The following CDA variants were observed in gnomAD, a reference collection of about 807,000 sequenced individuals.
The protein encoded by CDA is cytidine deaminase, also known as cytidine aminohydrolase.
CDA carries 7 observed loss-of-function variants against 15.0 expected under a neutral mutation model. That is an observed-to-expected ratio of 0.47 (90% CI 0.26 to 0.87). The LOEUF (loss-of-function observed/expected upper bound fraction) is 0.87, where lower values mean the gene tolerates loss of function less well. Ranked by LOEUF, CDA falls within the 40% of genes least tolerant of loss-of-function variation. The pLI is 0.15. For synonymous variants in CDA, 58 were observed against 73.0 expected (o/e 0.79, Z 1.05); for missense variants, 159 against 182.7 (o/e 0.87, Z 0.75).
At chr1:20,594,788 CA>C (rs60698295) in intron 1 of CDA, among the ~76,000 whole-genome samples, 13,617 of 121,438 alleles carry the variant, frequency 0.11, 695 homozygotes, top group African/African-American at 0.16. Context: ...GACGCCATCT[CA>C]AAAAAAAAAA....
At chr1:20,606,517 C>T (rs1015815309) in intron 2 of CDA, among the ~76,000 whole-genome samples, 1 of 152,094 alleles carries the variant, frequency 6.6e-6, no homozygotes, top group Non-Finnish European at 1.5e-5. Context: ...TCCACTACAT[C>T]ATGCTGTGCC....
At chr1:20,612,396 A>G (rs61781966) in intron 2 of CDA, among the ~76,000 whole-genome samples, 1 of 150,490 alleles carries the variant, frequency 6.6e-6, no homozygotes, top group African/African-American at 2.4e-5. Context: ...ACATTCCACC[A>G]TTGTGATTTG....
chr1:20,590,847 G>A (rs2052541241), intron 1 of CDA, among the ~76,000 whole-genome samples: 1 of 152,204 alleles, frequency 6.6e-6, no homozygotes, highest in Non-Finnish European at 1.5e-5. Context: ...GGATGGTGGG[G>A]CAGGTGGTGG....
At chr1:20,597,951 C>T (rs762440489) in intron 1 of CDA, among the ~76,000 whole-genome samples, 28 of 148,790 alleles carry the variant, frequency 1.9e-4, no homozygotes, top group Non-Finnish European at 3.7e-4. Context: ...TTGTTACAGG[C>T]TCCAAATACA....
chr1:20,595,109 G>A (rs183449808), intron 1 of CDA, among the ~76,000 whole-genome samples: 37 of 152,326 alleles, frequency 2.4e-4, no homozygotes, highest in Admixed American at 2.4e-3. Context: ...CAAGGGATGG[G>A]AGGGTTTATC....
At chr1:20,611,015 AGATCT>A (rs1316744537) in intron 2 of CDA, among the ~76,000 whole-genome samples, 1 of 152,134 alleles carries the variant, frequency 6.6e-6, no homozygotes, top group Non-Finnish European at 1.5e-5. Flanking sequence ...TGAGGTGCAA[AGATCT>A]CTTGAGCCCA....
chr1:20,616,043 C>A (rs2052798284), intron 3 of CDA, among the ~76,000 whole-genome samples: 3 of 152,148 alleles, frequency 2.0e-5, no homozygotes, highest in African/African-American at 7.2e-5. Flanking sequence ...ATCCCCTCCC[C>A]AAGACTGAGT....
intron 3 of CDA, among the ~76,000 whole-genome samples, chr1:20,615,412 C>T (rs1209676427): frequency 7.6e-6 from 1 of 131,754 alleles, no homozygotes; most frequent in African/African-American, 2.9e-5. Context: ...GCAGGAGGAT[C>T]GCTTGGGTCC....
intron 2 of CDA, among the ~76,000 whole-genome samples, chr1:20,609,151 G>A (rs942348499): frequency 1.3e-5 from 2 of 152,160 alleles, no homozygotes; most frequent in Non-Finnish European, 2.9e-5. Flanking sequence ...ACCTTGTCCA[G>A]GGAGCTAGCC....
At chr1:20,608,591 G>A (rs1311838310) in intron 2 of CDA, among the ~76,000 whole-genome samples, 3 of 152,118 alleles carry the variant, frequency 2.0e-5, no homozygotes, top group African/African-American at 7.2e-5. Context: ...TGAATTTTTA[G>A]TAGAGACAGG....
intron 3 of CDA, 147 bp downstream of exon 3, chr1:20,614,046 C>T (rs1481970684): frequency 1.4e-6 from 1 of 694,842 alleles, no homozygotes; most frequent in African/African-American, 1.8e-5. Context: ...CTTCTAAGGC[C>T]TCCCTACGCT....
chr1:20,602,547 C>CT (rs2052654503), intron 1 of CDA, among the ~76,000 whole-genome samples: 1 of 152,190 alleles, frequency 6.6e-6, no homozygotes, highest in South Asian at 2.1e-4. Flanking sequence ...CCTCAGACTA[C>CT]TGAGTAGCTG....
intron 2 of CDA, among the ~76,000 whole-genome samples, chr1:20,610,261 C>CTTTTTTTTTTTTTTT (rs760754305): frequency 1.7e-4 from 11 of 62,964 alleles, no homozygotes; most frequent in Admixed American, 2.2e-4. Context: ...CACACATTAT[C>CTTTTTTTTTTTTTTT]TTTTTTTTTT....
At position 20,618,625 on chromosome 1, in the gene CDA, C is replaced by G. The variant is rs2052842651; in HGVS notation, c.*57C>G. Reference sequence around the variant, plus strand: ...CACCTGGAGAACTTCATAAAGATGTCTCACAGCCCTGGGGACACCTGCCCA... The same window carrying G: ...CACCTGGAGAACTTCATAAAGATGTGTCACAGCCCTGGGGACACCTGCCCA... On this transcript the variant is annotated 3_prime_UTR_variant, in exon 4 of 4. Coordinates refer to ENST00000375071, the MANE Select transcript of CDA (RefSeq NM_001785.3). 9.5e-7 allele frequency: 1 copy of G among 1,057,922 alleles called. No individual in the cohort carries two copies. The highest frequency in any genetic ancestry group is 1.5e-5 in the African/African-American group (1 of 64,526). 65.5% of individuals were successfully genotyped at this position (1,057,922 alleles called of 1,614,324 possible). A position where few individuals can be genotyped will look rare whatever the true frequency, so the allele number is the denominator to read the frequency against.
chr1:20,617,480 A>G (rs1378203174), intron 3 of CDA, among the ~76,000 whole-genome samples: 1 of 152,114 alleles, frequency 6.6e-6, no homozygotes, highest in Non-Finnish European at 1.5e-5. Context: ...CAATTGAATC[A>G]TGGGGGCGGG....
chr1:20,614,291 G>GAA (rs35735696), intron 3 of CDA, among the ~76,000 whole-genome samples: 5 of 149,082 alleles, frequency 3.4e-5, no homozygotes, highest in African/African-American at 2.5e-5. Flanking sequence ...ACAAAATGCA[G>GAA]AAAAAAAAAA....
rs918166642 is a variant in CDA, at chr1:20,609,009, G to A, written c.266+3970G>A. On this transcript the variant is annotated intron_variant, in intron 2 of 3. Coordinates refer to ENST00000375071, the MANE Select transcript of CDA (RefSeq NM_001785.3). The stretch of plus-strand genomic sequence containing the variant: ...ATGTGTAAGCCATTACTGTTAATGC[G>A]CTGTCTCTACATCCTCAGTGCTAGG... Among the ~76,000 whole-genome samples, 6 of 152,288 alleles carry A rather than the reference G, an allele frequency of 3.9e-5. No individual in the cohort carries two copies. The East Asian group carries it at 5.8e-4, about 15-fold the overall frequency.
At chr1:20,608,555 G>T (rs2052715816) in intron 2 of CDA, among the ~76,000 whole-genome samples, 1 of 152,078 alleles carries the variant, frequency 6.6e-6, no homozygotes, top group Non-Finnish European at 1.5e-5. Context: ...GACTACAGGT[G>T]CCGGCCAGCA....
chr1:20,597,427 C>G (rs1239835973), intron 1 of CDA, among the ~76,000 whole-genome samples: 2 of 152,126 alleles, frequency 1.3e-5, no homozygotes, highest in Non-Finnish European at 2.9e-5. Flanking sequence ...GGCGACAGAG[C>G]GAGACTCCGT....
Sources: gnomAD v4.1 joint callset for allele counts (sites outside exome capture counted in the v4.1 genomes callset) on GRCh38, gnomAD v4.1.1 for gene constraint, MANE v1.5 for transcripts, NCBI Gene and HGNC (gene_info 2026-07-23, HGNC 2026-07-21) for gene names.